Variants in TFRC observed in about 807,000 individuals in gnomAD.
TFRC encodes the protein transferrin receptor protein 1.
In TFRC, 35 loss-of-function variants were observed where a neutral mutation model predicts 85.8. That is an observed-to-expected ratio of 0.41 (90% CI 0.31 to 0.54). The LOEUF is 0.54. TFRC is among the 20% of genes least tolerant of loss of function. The pLI is 0.31. For synonymous variants in TFRC, 362 were observed against 328.6 expected, an observed-to-expected ratio of 1.10 and a Z score of -1.10; for missense variants, 828 against 921.5, an observed-to-expected ratio of 0.90 and a Z score of 1.31.
At chr3:196,058,529 T>C in intron 15 of TFRC, 45 bp downstream of exon 15, 4 of 1,575,034 alleles carry the variant, frequency 2.5e-6, no homozygotes, top group Non-Finnish European at 3.5e-6. Context: ...GTAGGTAGAA[T>C]CTCTGCTTTT....
chr3:196,052,292 CTT>C (rs529214594), intron 18 of TFRC, 108 bp from the exon 19 acceptor site: 55,112 of 531,040 alleles, frequency 0.1, 296 homozygotes, highest in East Asian at 0.19. Flanking sequence ...GCCGATCAGA[CTT>C]TTTTTTTTTT....
intron 16 of TFRC, 50 bp downstream of exon 16, chr3:196,058,234 T>A (rs1240221622): frequency 6.0e-6 from 9 of 1,494,254 alleles, no homozygotes; most frequent in Non-Finnish European, 8.4e-6. Context: ...TACAGATCAC[T>A]TCCTTTTAGA....
rs563023109 is a variant in TFRC, at chr3:196,062,590, G to A, written c.1460C>T (p.Ala487Val). 22 of 1,607,582 alleles carry A rather than the reference G, an allele frequency of 1.4e-5. No individual in the cohort carries two copies. Among genetic ancestry groups the A allele is most frequent in the East Asian group, 6.7e-5 (3 of 44,878 alleles). Reference protein sequence around the residue: ...KAFTYINLDKAVLGTSNFKVS... With the variant: ...KAFTYINLDKVVLGTSNFKVS... ...ATGAAAGGGATACTTACCAAGAACC[G>A]CTTTATCCAGATTAATATAAGTGAA... Residue 487 changes from alanine (A) to valine (V), a missense_variant, in exon 13 of 19, where the codon GCG becomes GTG. Transcript: ENST00000360110.
chr3:196,071,328 G>A, intron 6 of TFRC, 68 bp downstream of exon 6: 2 of 1,457,162 alleles, frequency 1.4e-6, no homozygotes, highest in South Asian at 2.3e-5. Context: ...TAACTCCTAA[G>A]AACAGAAAAG....
rs747300653 is a variant in TFRC at position 196,064,440 on chromosome 3, A to G, written c.1199-12T>C. 13 of 1,572,114 alleles carry G rather than the reference A, an allele frequency of 8.3e-6. No homozygotes were observed. The highest frequency in any genetic ancestry group is 1.1e-5 in the Non-Finnish European group (13 of 1,168,016). ...TACAACATAGTGATCTTTAAAAAAG[A>G]AAAAAGAGGAAGAAAGAACTTATAT... On this transcript the variant is annotated splice_polypyrimidine_tract_variant and intron_variant, in intron 10 of 18. Transcript: ENST00000360110.
intron 17 of TFRC, among the ~76,000 whole-genome samples, chr3:196,054,747 G>A (rs41298047): frequency 0.016 from 2,439 of 152,260 alleles, 32 homozygotes; most frequent in South Asian, 0.031. Flanking sequence ...CTTTCCATCC[G>A]GGTCACGCCC....
At chr3:196,074,493 T>A (rs1718491030) in intron 3 of TFRC, 1 of 166,282 alleles carries the variant, frequency 6.0e-6, no homozygotes, top group Non-Finnish European at 1.3e-5. Context: ...TTGCACGTCG[T>A]ATTGAAATAA....
At chr3:196,073,775 T>A (rs1034122730) in intron 4 of TFRC, among the ~76,000 whole-genome samples, 155 bp downstream of exon 4, 2 of 152,128 alleles carry the variant, frequency 1.3e-5, no homozygotes, top group Non-Finnish European at 1.5e-5. Context: ...ATAGTTTCAG[T>A]TTTTTACAGG....
chr3:196,074,753 C>T lies in TFRC; in HGVS notation c.238+406G>A, dbSNP rs41301345. 5.3e-3 allele frequency among the ~76,000 whole-genome samples: 811 copies of T among 152,060 alleles called. 9 individuals are homozygous for T. The highest frequency in any genetic ancestry group is 0.017 in the Middle Eastern group (5 of 294). On this transcript the variant is annotated intron_variant, in intron 3 of 18. Transcript: ENST00000360110. ...AATTAGCCAGGTGTGGTGGTGCACG[C>T]CTGTAGTCCCAGCTCCTCAGGAGGC... is the stretch of plus-strand genomic sequence containing the variant.
chr3:196,055,161 T>C lies in TFRC; in HGVS notation c.1818A>G (p.Glu606=). Residue 606 remains glutamate, a synonymous_variant, in exon 17 of 19, where the codon GAA becomes GAG. Transcript: ENST00000360110. ...QFVIKLTHDV[E]LNLDYERYNS... ...TGTACCTCTCATAGTCCAGGTTCAA[T>C]TCAACATCATGGGTTAGTTTAATCA... is the stretch of plus-strand genomic sequence containing the variant. 1 of 1,614,234 alleles carries C rather than the reference T, an allele frequency of 6.2e-7. No individual in the cohort carries two copies. The highest frequency in any genetic ancestry group is 8.5e-7 in the Non-Finnish European group (1 of 1,180,034).
chr3:196,064,636 C>G (rs934142662), intron 10 of TFRC, among the ~76,000 whole-genome samples: 4 of 152,168 alleles, frequency 2.6e-5, no homozygotes, highest in African/African-American at 7.2e-5. Context: ...TTTTTTCCTA[C>G]ACTACTAATT....
intron 13 of TFRC, among the ~76,000 whole-genome samples, chr3:196,061,273 T>TA (rs1717257895): frequency 6.6e-6 from 1 of 152,216 alleles, no homozygotes; most frequent in South Asian, 2.1e-4. Context: ...GGATGTGAAT[T>TA]ACTCTCTAAG....
At position 196,065,429 on chromosome 3, in the gene TFRC, G is replaced by A. The variant is rs561023277; in HGVS notation, c.1198+14C>T. Reference sequence around the variant, plus strand: ...AAAAAAAGCGGGGCGGGGGGGGGGGGGGGCGGTCTTTACCTGGTTCTACAA... The same window carrying A: ...AAAAAAAGCGGGGCGGGGGGGGGGGAGGGCGGTCTTTACCTGGTTCTACAA... On this transcript the variant is annotated intron_variant, in intron 10 of 18. Transcript: ENST00000360110. 15 of 605,188 alleles carry A rather than the reference G, an allele frequency of 2.5e-5. 1 individual carries two copies. Among genetic ancestry groups the A allele is most frequent in the African/African-American group, 5.6e-5 (2 of 35,732 alleles). The allele number at this position is 605,188 out of a possible 1,614,324, so 37.5% of individuals were successfully genotyped here. A position where few individuals can be genotyped will look rare whatever the true frequency, so the allele number is the denominator to read the frequency against.
intron 6 of TFRC, among the ~76,000 whole-genome samples, chr3:196,070,558 T>C (rs1718105982): frequency 6.7e-6 from 1 of 150,222 alleles, no homozygotes; most frequent in African/African-American, 2.4e-5. Flanking sequence ...CAGCCACAAA[T>C]GTGATTTTTA....
intron 11 of TFRC, 22 bp from the exon 12 acceptor site, chr3:196,062,961 T>C: frequency 6.2e-7 from 1 of 1,605,684 alleles, no homozygotes; most frequent in Non-Finnish European, 8.5e-7. Context: ...AAAAGTTAGC[T>C]TTACCTGAGG....
At chr3:196,080,911 G>A (rs1719117151) in intron 1 of TFRC, among the ~76,000 whole-genome samples, 1 of 152,198 alleles carries the variant, frequency 6.6e-6, no homozygotes, top group Non-Finnish European at 1.5e-5. Context: ...AGTAAGCTTA[G>A]CATATAAGCA....
intron 16 of TFRC, chr3:196,055,616 T>G: frequency 2.5e-6 from 1 of 392,612 alleles, no homozygotes; most frequent in Non-Finnish European, 4.7e-6. Context: ...TCTGGGAAGT[T>G]TGGGCCTTTA....
chr3:196,071,450 G>A lies in TFRC; in HGVS notation c.633C>T (p.Tyr211=), dbSNP rs972674754. ...IIVDKNGRLV[Y]LVENPGGYVA... is the part of the protein sequence containing the mutation. ...CATAACCCCCAGGATTCTCCACCAG[G>A]TAAACAAGTCTACCGTTCTTATCAA... Residue 211 remains tyrosine, a synonymous_variant, in exon 6 of 19, where the codon TAC becomes TAT. Coordinates refer to ENST00000360110, the MANE Select transcript of TFRC (RefSeq NM_001128148.3). The A allele has an allele frequency of 1.9e-6, 3 of 1,613,926 alleles. No individual in the cohort carries two copies. In the African/African-American group the frequency reaches 4.0e-5, roughly 22 times the overall value.
intron 1 of TFRC, 99 bp from the exon 2 acceptor site, chr3:196,077,221 AC>A (rs1227190876): frequency 1.3e-6 from 1 of 775,370 alleles, no homozygotes; most frequent in Non-Finnish European, 2.1e-6. Context: ...TTTTTAAAAT[AC>A]ATTATCACTT....
Sources: allele counts gnomAD v4.1 joint callset (sites outside exome capture counted in the v4.1 genomes callset), GRCh38; gene constraint gnomAD v4.1.1; transcripts MANE v1.5; gene names NCBI Gene and HGNC (gene_info 2026-07-23, HGNC 2026-07-21).